UBA1: variants seen among roughly 807,000 people sequenced by gnomAD.
UBA1 encodes the protein ubiquitin-like modifier-activating enzyme 1.
A neutral mutation model predicts 84.7 loss-of-function variants in UBA1; 4 were observed. The ratio of observed to expected loss-of-function variants is 0.05; its 90% confidence interval spans 0.02 to 0.11. The LOEUF is 0.11. Among genes scored for constraint, UBA1 ranks in the 10% least tolerant of loss-of-function variants. UBA1 has a pLI of 1.00. For synonymous variants in UBA1, 364 were observed against 362.6 expected (o/e 1.00, Z -0.04); for missense variants, 513 against 902.8 (o/e 0.57, Z 5.53).
Position 47,214,953 on chromosome X carries a change from C to A in UBA1, c.*24C>A. ...GACCCCGTCTGCTCCTCTAGGCTGG[C>A]CCCTTGTCCACCCCTCTCCACACCC... On this transcript the variant is annotated 3_prime_UTR_variant, in exon 26 of 26. Coordinates refer to ENST00000335972, the MANE Select transcript of UBA1 (RefSeq NM_003334.4). 1 of 1,207,897 alleles carries A rather than the reference C, an allele frequency of 8.3e-7. No homozygotes were observed.
Position 47,209,706 on chromosome X carries a change from C to T in UBA1, c.2003+19C>T, listed in dbSNP as rs1556792743. The stretch of plus-strand genomic sequence containing the variant: ...ACCTCACGTGAGTAACTCGAGTGCC[C>T]TCTCGCCCTGTCCCTGTCCACCAGC... On this transcript the variant is annotated intron_variant, in intron 17 of 25. Coordinates refer to ENST00000335972, the MANE Select transcript of UBA1 (RefSeq NM_003334.4). 5 of 1,206,476 alleles carry T rather than the reference C, an allele frequency of 4.1e-6. No individual in the cohort carries two copies. Among genetic ancestry groups the T allele is most frequent in the South Asian group, 1.8e-5 (1 of 56,747 alleles).
At chrX:47,203,430 T>G in intron 13 of UBA1, 111 bp from the exon 14 acceptor site, 2 of 971,566 alleles carry the variant, frequency 2.1e-6, no homozygotes, top group Non-Finnish European at 2.9e-6. Context: ...CCTGAAGATG[T>G]GGTGTTAGCC....
chrX:47,199,951 T>A (rs939268254), intron 5 of UBA1, among the ~76,000 whole-genome samples: 1 of 109,459 alleles, frequency 9.1e-6, no homozygotes, highest in Non-Finnish European at 1.9e-5. Flanking sequence ...CCCGGCTAAT[T>A]TTTTTTTGTA....
intron 16 of UBA1, among the ~76,000 whole-genome samples, chrX:47,207,029 A>G (rs1936705821): frequency 9.0e-6 from 1 of 110,989 alleles, no homozygotes. Flanking sequence ...ATGTCTCCAG[A>G]CATTGCCAGA....
At chrX:47,199,661 C>G (rs1367208289) in intron 5 of UBA1, 47 bp downstream of exon 5, 6 of 1,193,647 alleles carry the variant, frequency 5.0e-6, no homozygotes, top group African/African-American at 1.8e-5. Flanking sequence ...TTCTCAGAGC[C>G]CATCTCTGGT....
chrX:47,214,882 A>C lies in UBA1; in HGVS notation c.3130A>C (p.Ser1044Arg). The C allele has an allele frequency of 8.3e-7, 1 of 1,211,352 alleles. No homozygotes were observed. The highest frequency in any genetic ancestry group is 1.1e-6 in the Non-Finnish European group (1 of 895,468). Residue 1044 changes from serine to arginine, a missense_variant, in exon 26 of 26, where the codon AGC becomes CGC. Coordinates refer to ENST00000335972, the MANE Select transcript of UBA1 (RefSeq NM_003334.4). ...LVLELCCNDE[S>R]GEDVEVPYVR... ...GCTTGAGCTGTGCTGTAACGACGAG[A>C]GCGGCGAGGATGTCGAGGTTCCCTA...
chrX:47,212,651 G>A, intron 21 of UBA1, 120 bp from the exon 22 acceptor site: 1 of 854,559 alleles, frequency 1.2e-6, no homozygotes, highest in South Asian at 2.1e-5. Flanking sequence ...GAATGAGTAG[G>A]TGTTCCCAGC....
chrX:47,214,324 C>T lies in UBA1; in HGVS notation c.2839-3C>T, dbSNP rs1937056868. The T allele has an allele frequency of 8.3e-7, 1 of 1,208,408 alleles. No homozygotes were observed. Among genetic ancestry groups the T allele is most frequent in the Non-Finnish European group, 1.1e-6 (1 of 892,623 alleles). ...ATCTTACACTCCCCTCTTTGTCTTG[C>T]AGTACTATAACCAAGAGTGGACATT... is the stretch of plus-strand genomic sequence containing the variant. On this transcript the variant is annotated splice_region_variant and splice_polypyrimidine_tract_variant and intron_variant, in intron 23 of 25. Transcript: ENST00000335972.
In UBA1 at chrX:47,211,258, C is replaced by T. The variant is rs782122275; in HGVS notation, c.2464+33C>T. The T allele has an allele frequency of 3.4e-6, 4 of 1,186,435 alleles. No homozygotes were observed. The East Asian group carries it at 8.9e-5, about 26-fold the overall frequency. On this transcript the variant is annotated intron_variant, in intron 20 of 25. Transcript: ENST00000335972. Reference sequence around the variant, plus strand: ...TGTTTGGCCAGTTGGCCAGGAGTCACCCCACATGTCCCCGGCCTAGTCCAG... The same window carrying T: ...TGTTTGGCCAGTTGGCCAGGAGTCATCCCACATGTCCCCGGCCTAGTCCAG...
At chrX:47,205,798 G>C in intron 14 of UBA1, 150 bp from the exon 15 acceptor site, 2 of 661,666 alleles carry the variant, frequency 3.0e-6, no homozygotes, top group Non-Finnish European at 4.6e-6. Context: ...AGGCTGCAGT[G>C]AGCCGTGATC....
rs1254886602 is a variant in UBA1 at position 47,193,947 on chromosome X, AAGG to A, written c.-71_-69del. ...CGGCCCAGGCGGCGGGGAGGAGGAG[AAGG>A]AGGAGGGTGGCGGCCGGGCTTGGCT... is the stretch of plus-strand genomic sequence containing the variant. On this transcript the variant is annotated 5_prime_UTR_variant, in exon 1 of 26. Transcript: ENST00000335972. 1 of 111,645 alleles carries A rather than the reference AAGG, an allele frequency of 9.0e-6. No homozygotes were observed. The highest frequency in any genetic ancestry group is 3.3e-5 in the African/African-American group (1 of 30,388). 9.2% of individuals were successfully genotyped at this position (111,645 alleles called of 1,213,427 possible).
chrX:47,200,416 A>G (rs1207077304), intron 5 of UBA1, among the ~76,000 whole-genome samples: 2 of 112,339 alleles, frequency 1.8e-5, no homozygotes, highest in African/African-American at 6.5e-5. Context: ...CCAGGTTGCC[A>G]GGGCACTGCA....
At chrX:47,197,008 T>G in intron 1 of UBA1, 66 of 488,907 alleles carry the variant, frequency 1.3e-4, no homozygotes, top group South Asian at 2.1e-4. Flanking sequence ...TCAGAGGAAA[T>G]GAGATCTCTA....
chrX:47,197,573 C>T (rs1227248182), intron 1 of UBA1: 1 of 750,084 alleles, frequency 1.3e-6, no homozygotes, highest in East Asian at 1.5e-4. Flanking sequence ...CTCCCATCTC[C>T]AGCATGTGGA....
At position 47,197,826 on chromosome X, in the gene UBA1, A is replaced by C. The variant is rs1936256933; in HGVS notation, c.1-977A>C. The stretch of plus-strand genomic sequence containing the variant: ...CAGTGTGTGGGAACCTTGGTCACCG[A>C]ACGTCCCTGAGTGAATTTTTTTCCA... On this transcript the variant is annotated intron_variant, in intron 1 of 25. Transcript: ENST00000335972. The C allele has an allele frequency of 1.6e-5, 8 of 506,446 alleles. No individual in the cohort carries two copies. In the South Asian group the frequency reaches 6.6e-4, roughly 42 times the overall value. 41.7% of individuals were successfully genotyped at this position (506,446 alleles called of 1,213,427 possible). A position where few individuals can be genotyped will look rare whatever the true frequency, so the allele number is the denominator to read the frequency against.
chrX:47,207,450 G>C (rs1936724593), intron 16 of UBA1, among the ~76,000 whole-genome samples: 1 of 112,103 alleles, frequency 8.9e-6, no homozygotes, highest in Admixed American at 9.5e-5. Flanking sequence ...TTACAAATTT[G>C]TGTTGGGCAG....
upstream of UBA1, among the ~76,000 whole-genome samples, chrX:47,193,457 T>TG (rs1425239740): frequency 9.0e-6 from 1 of 111,635 alleles, no homozygotes; most frequent in Non-Finnish European, 1.9e-5. Context: ...TATTCATGAA[T>TG]GGGGGTGTGT....
Position 47,214,942 on chromosome X carries a change from C to G in UBA1, c.*13C>G, listed in dbSNP as rs781793008. The G allele has an allele frequency of 9.1e-6, 11 of 1,207,191 alleles. No homozygotes were observed. Among genetic ancestry groups the G allele is most frequent in the Non-Finnish European group, 1.1e-5 (10 of 895,063 alleles). Reference sequence around the variant, plus strand: ...CACCATCCGCTGACCCCGTCTGCTCCTCTAGGCTGGCCCCTTGTCCACCCC... The same window carrying G: ...CACCATCCGCTGACCCCGTCTGCTCGTCTAGGCTGGCCCCTTGTCCACCCC... On this transcript the variant is annotated 3_prime_UTR_variant, in exon 26 of 26. Transcript: ENST00000335972.
chrX:47,204,941 A>ATT (rs1556790122), intron 14 of UBA1: 4 of 112,557 alleles, frequency 3.6e-5, no homozygotes, highest in Non-Finnish European at 7.5e-5. Context: ...GGGAGAGGGG[A>ATT]ACGGACAGCA....
Sources: allele counts gnomAD v4.1 joint callset (sites outside exome capture counted in the v4.1 genomes callset), GRCh38; gene constraint gnomAD v4.1.1; transcripts MANE v1.5; gene names NCBI Gene and HGNC (gene_info 2026-07-23, HGNC 2026-07-21).